Variants in LRRTM4 observed in about 807,000 individuals in gnomAD.
The protein encoded by LRRTM4 is leucine rich repeat transmembrane neuronal 4.
LRRTM4 carries 25 observed loss-of-function variants against 47.6 expected under a neutral mutation model. The ratio of observed to expected loss-of-function variants is 0.53; its 90% CI spans 0.38 to 0.73. The LOEUF is 0.73. Ranked by LOEUF, LRRTM4 falls within the 30% of genes least tolerant of loss-of-function variation. The probability of loss-of-function intolerance (pLI) is 0.00; values close to 1 mark genes in which losing one functional copy is unlikely to be tolerated. For synonymous variants in LRRTM4, 311 were observed against 269.5 expected (o/e 1.15, Z -1.51); for missense variants, 638 against 713.4 (o/e 0.89, Z 1.20).
chr2:76,854,776 G>C (rs541637188), intron 3 of LRRTM4, among the ~76,000 whole-genome samples: 1 of 151,062 alleles, frequency 6.6e-6, no homozygotes, highest in Non-Finnish European at 1.5e-5. Flanking sequence ...AAGGCATTTG[G>C]GATACATCAT....
intron 3 of LRRTM4, among the ~76,000 whole-genome samples, chr2:77,482,601 T>C (rs1677749904): frequency 6.6e-6 from 1 of 152,166 alleles, no homozygotes; most frequent in African/African-American, 2.4e-5. Flanking sequence ...TTACATAATA[T>C]AAAGACTGGT....
chr2:76,998,532 T>A (rs1429161355), intron 3 of LRRTM4, among the ~76,000 whole-genome samples: 1 of 152,000 alleles, frequency 6.6e-6, no homozygotes, highest in African/African-American at 2.4e-5. Context: ...AACAATAATG[T>A]CAACAACCAA....
At chr2:76,906,221 C>G (rs889487842) in intron 3 of LRRTM4, among the ~76,000 whole-genome samples, 12 of 151,912 alleles carry the variant, frequency 7.9e-5, no homozygotes, top group Non-Finnish European at 1.2e-4. Context: ...AATTTTCAAC[C>G]CAGAATTTCA....
intron 3 of LRRTM4, chr2:76,772,922 T>C (rs1673774267): frequency 6.6e-6 from 1 of 152,186 alleles, no homozygotes; most frequent in Non-Finnish European, 1.5e-5. Flanking sequence ...TACTACCATA[T>C]CACCCTGTAT....
intron 3 of LRRTM4, among the ~76,000 whole-genome samples, chr2:76,859,631 T>G (rs1672255472): frequency 6.6e-6 from 1 of 152,122 alleles, no homozygotes; most frequent in African/African-American, 2.4e-5. Flanking sequence ...AAAAGTTACA[T>G]AAAAGTTTGC....
chr2:77,209,897 C>A (rs574545397), intron 3 of LRRTM4, among the ~76,000 whole-genome samples: 1 of 152,282 alleles, frequency 6.6e-6, no homozygotes, highest in South Asian at 2.1e-4. Context: ...ATTAAATCTA[C>A]TTCACGTTCT....
chr2:76,958,368 A>G (rs1675745800), intron 3 of LRRTM4, among the ~76,000 whole-genome samples: 1 of 151,904 alleles, frequency 6.6e-6, no homozygotes, highest in East Asian at 1.9e-4. Flanking sequence ...CAACTCGAAG[A>G]TAGATAACTG....
chr2:77,072,220 T>C (rs896895007), intron 3 of LRRTM4, among the ~76,000 whole-genome samples: 2 of 152,106 alleles, frequency 1.3e-5, no homozygotes, highest in African/African-American at 2.4e-5. Context: ...ACCATAAAAA[T>C]GGGGAAAAAT....
chr2:76,871,172 T>C (rs569904441), intron 3 of LRRTM4, among the ~76,000 whole-genome samples: 2 of 152,130 alleles, frequency 1.3e-5, no homozygotes, highest in Non-Finnish European at 2.9e-5. Context: ...TCCATACATA[T>C]AGAGATGCTA....
rs1386370388 is a variant in LRRTM4 at position 76,872,241 on chromosome 2, C to T, written c.1552-123325G>A. On this transcript the variant is annotated intron_variant, in intron 3 of 3. Coordinates refer to ENST00000409884, the MANE Select transcript of LRRTM4 (RefSeq NM_001134745.3). The stretch of plus-strand genomic sequence containing the variant: ...TAAAATTTTTCACATCTTAAGGATA[C>T]GTTAAAATCAGAATCATGAAATCCA... Among the ~76,000 whole-genome samples, 7 of 152,000 alleles carry T rather than the reference C, an allele frequency of 4.6e-5. No individual in the cohort carries two copies. In the East Asian group the frequency reaches 5.8e-4, roughly 13 times the overall value.
chr2:76,898,137 T>C (rs1034516359), intron 3 of LRRTM4, among the ~76,000 whole-genome samples: 1 of 152,092 alleles, frequency 6.6e-6, no homozygotes, highest in African/African-American at 2.4e-5. Context: ...TATACCCTTG[T>C]TTTTTTCTGT....
At chr2:77,130,993 C>G (rs1255588579) in intron 3 of LRRTM4, among the ~76,000 whole-genome samples, 3 of 147,608 alleles carry the variant, frequency 2.0e-5, no homozygotes, top group Non-Finnish European at 4.5e-5. Flanking sequence ...CGCCACTACG[C>G]CCGGCTAATT....
At chr2:77,174,557 C>T (rs1573038778) in intron 3 of LRRTM4, among the ~76,000 whole-genome samples, 2 of 152,260 alleles carry the variant, frequency 1.3e-5, no homozygotes, top group Admixed American at 1.3e-4. Context: ...ATGCAGTCAT[C>T]ACCAAGAAAT....
chr2:77,354,379 T>C (rs1480385826), intron 3 of LRRTM4, among the ~76,000 whole-genome samples: 1 of 151,906 alleles, frequency 6.6e-6, no homozygotes, highest in Admixed American at 6.6e-5. Flanking sequence ...CCTGAAGATC[T>C]TCTTAAAATG....
rs1679218209 is a variant in LRRTM4 at position 77,045,874 on chromosome 2, GAT to G, written c.1552-296960_1552-296959del. Among the ~76,000 whole-genome samples the G allele has an allele frequency of 2.0e-5, 3 of 151,810 alleles. No individual in the cohort carries two copies. In the South Asian group the frequency reaches 6.2e-4, roughly 31 times the overall value. On this transcript the variant is annotated intron_variant, in intron 3 of 3. Transcript: ENST00000409884. ...ATCCAGCCCATAATCAAATTTTTCTGATAGTTTCCTGATATAGTTTTTTACAC... is the reference window on the plus strand; with the variant it reads ...ATCCAGCCCATAATCAAATTTTTCTGAGTTTCCTGATATAGTTTTTTACAC...
At chr2:77,138,257 A>T (rs1360459046) in intron 3 of LRRTM4, among the ~76,000 whole-genome samples, 1 of 152,192 alleles carries the variant, frequency 6.6e-6, no homozygotes, top group Non-Finnish European at 1.5e-5. Flanking sequence ...AAGAACAGAA[A>T]TTATAACAAA....
chr2:77,066,471 G>T (rs559707621), intron 3 of LRRTM4, among the ~76,000 whole-genome samples: 1 of 152,266 alleles, frequency 6.6e-6, no homozygotes, highest in Non-Finnish European at 1.5e-5. Context: ...CATTTTTAAA[G>T]TTCAAGCTTT....
intron 3 of LRRTM4, among the ~76,000 whole-genome samples, chr2:77,276,520 G>A (rs904931873): frequency 6.0e-5 from 9 of 150,344 alleles, no homozygotes; most frequent in African/African-American, 1.5e-4. Flanking sequence ...ATATATGTGT[G>A]TATATAGATA....
chr2:77,241,227 C>A (rs930667684), intron 3 of LRRTM4, among the ~76,000 whole-genome samples: 10 of 118,676 alleles, frequency 8.4e-5, no homozygotes, highest in African/African-American at 2.9e-4. Context: ...CACACACACA[C>A]ACACACACAC....
Sources: gnomAD v4.1 joint callset for allele counts (sites outside exome capture counted in the v4.1 genomes callset) on GRCh38, gnomAD v4.1.1 for gene constraint, MANE v1.5 for transcripts, NCBI Gene and HGNC (gene_info 2026-07-23, HGNC 2026-07-21) for gene names.